Variants in PDE4B observed in about 807,000 individuals in gnomAD.
PDE4B encodes phosphodiesterase 4B.
PDE4B carries 20 observed loss-of-function variants against 82.2 expected under a neutral mutation model. The ratio of observed to expected loss-of-function variants is 0.24; its 90% CI spans 0.17 to 0.35. The LOEUF is 0.35. PDE4B is among the 10% of genes least tolerant of loss of function. The pLI, the probability that PDE4B is intolerant of heterozygous loss-of-function variation, is 1.00. For synonymous variants in PDE4B, 320 were observed against 318.9 expected, an observed-to-expected ratio of 1.00 and a Z score of -0.04; for missense variants, 655 against 907.2, an observed-to-expected ratio of 0.72 and a Z score of 3.57.
chr1:66,261,676 C>T (rs1335322140), intron 6 of PDE4B, among the ~76,000 whole-genome samples: 4 of 152,154 alleles, frequency 2.6e-5, no homozygotes, highest in Non-Finnish European at 5.9e-5. Context: ...TTGTGCTTTA[C>T]CACTCAAAGG....
intron 8 of PDE4B, among the ~76,000 whole-genome samples, chr1:66,343,991 A>G (rs895245918): frequency 5.9e-5 from 9 of 152,148 alleles, no homozygotes; most frequent in African/African-American, 2.2e-4. Context: ...CACTAATGAA[A>G]TGGACTCCAA....
intron 8 of PDE4B, among the ~76,000 whole-genome samples, chr1:66,335,780 C>T (rs1046555940): frequency 9.2e-5 from 14 of 152,324 alleles, no homozygotes; most frequent in African/African-American, 3.4e-4. Flanking sequence ...AAAAGGATGG[C>T]TAGTGAACCT....
intron 3 of PDE4B, among the ~76,000 whole-genome samples, chr1:66,184,398 G>T (rs1647137198): frequency 6.6e-6 from 1 of 152,126 alleles, no homozygotes; most frequent in Non-Finnish European, 1.5e-5. Context: ...TGAGAATATG[G>T]CAATCATAGA....
chr1:65,886,446 C>G (rs1163837589), intron 1 of PDE4B, among the ~76,000 whole-genome samples: 1 of 152,122 alleles, frequency 6.6e-6, no homozygotes, highest in Non-Finnish European at 1.5e-5. Flanking sequence ...ACTATAGTCA[C>G]ACTATTCTGC....
At chr1:66,080,009 A>G (rs1267539991) in intron 3 of PDE4B, among the ~76,000 whole-genome samples, 1 of 152,154 alleles carries the variant, frequency 6.6e-6, no homozygotes, top group Non-Finnish European at 1.5e-5. Context: ...TTTCATCCCA[A>G]CAAAAGCCTG....
At chr1:66,341,701 T>G (rs766959323) in intron 8 of PDE4B, among the ~76,000 whole-genome samples, 4 of 152,236 alleles carry the variant, frequency 2.6e-5, no homozygotes, top group Non-Finnish European at 4.4e-5. Context: ...TTCCTCTCTC[T>G]GAAACTGAAG....
In PDE4B at chr1:66,105,991, T is replaced by A. The variant is rs896100917; in HGVS notation, c.282-141469T>A. Among the ~76,000 whole-genome samples the A allele has an allele frequency of 1.4e-4, 21 of 152,148 alleles. No individual in the cohort carries two copies. In the South Asian group the frequency reaches 4.2e-3, roughly 30 times the overall value. ...CCAACACTATGTTGAATAGGAGTGG[T>A]GAGAGAGGGCATCCCTGTCTTGTGC... On this transcript the variant is annotated intron_variant, in intron 3 of 16. Transcript: ENST00000341517.
intron 2 of PDE4B, among the ~76,000 whole-genome samples, chr1:65,914,762 C>T (rs543702311): frequency 5.9e-5 from 9 of 152,214 alleles, no homozygotes; most frequent in African/African-American, 2.2e-4. Flanking sequence ...AATCCTGATC[C>T]TCCCTGAGGG....
chr1:66,133,905 C>T (rs1263792138), intron 3 of PDE4B, among the ~76,000 whole-genome samples: 1 of 152,178 alleles, frequency 6.6e-6, no homozygotes, highest in Non-Finnish European at 1.5e-5. Context: ...TAAAAGCTTT[C>T]TGACTTTCCC....
At position 65,968,121 on chromosome 1, in the gene PDE4B, C is replaced by T. The variant is rs115412885; in HGVS notation, c.281+49286C>T. On this transcript the variant is annotated intron_variant, in intron 3 of 16. Transcript: ENST00000341517. ...TACATAGAATGACATAATAGAAAGA[C>T]TATGGACCGAGAAACCAATACTCAG... Among the ~76,000 whole-genome samples the T allele has an allele frequency of 7.1e-3, 1,087 of 152,200 alleles. 15 individuals carry two copies. Among genetic ancestry groups the T allele is most frequent in the African/African-American group, 0.025 (1,033 of 41,556 alleles).
chr1:66,283,054 A>G (rs1174199416), intron 7 of PDE4B, among the ~76,000 whole-genome samples: 2 of 152,160 alleles, frequency 1.3e-5, no homozygotes, highest in Non-Finnish European at 2.9e-5. Context: ...TTGAGTGCTT[A>G]TGAGTGCTGG....
chr1:66,130,987 T>G (rs1645929896), intron 3 of PDE4B, among the ~76,000 whole-genome samples: 1 of 152,198 alleles, frequency 6.6e-6, no homozygotes, highest in Admixed American at 6.5e-5. Flanking sequence ...GTGGTGGGAT[T>G]AGGATGCTGT....
intron 3 of PDE4B, among the ~76,000 whole-genome samples, chr1:66,236,740 C>T (rs1326876248): frequency 6.6e-6 from 1 of 152,062 alleles, no homozygotes; most frequent in Non-Finnish European, 1.5e-5. Flanking sequence ...GGGTTCAGGA[C>T]AGAGGAGTTG....
chr1:66,234,005 A>G (rs1403437825), intron 3 of PDE4B, among the ~76,000 whole-genome samples: 2 of 152,086 alleles, frequency 1.3e-5, no homozygotes, highest in Non-Finnish European at 2.9e-5. Flanking sequence ...TATGGGAGAA[A>G]CCCTGACCTT....
chr1:66,075,342 T>C (rs546145128), intron 3 of PDE4B, among the ~76,000 whole-genome samples: 12 of 152,152 alleles, frequency 7.9e-5, no homozygotes, highest in African/African-American at 2.2e-4. Flanking sequence ...TTAAAATGCA[T>C]TGGGTGTATG....
intron 3 of PDE4B, among the ~76,000 whole-genome samples, chr1:65,933,461 G>A (rs1269115091): frequency 1.3e-5 from 2 of 152,156 alleles, no homozygotes; most frequent in African/African-American, 2.4e-5. Context: ...GGGAGGCCAC[G>A]GCGGGCGGAT....
At chr1:66,268,561 G>A (rs1054495160) in intron 7 of PDE4B, among the ~76,000 whole-genome samples, 2 of 150,994 alleles carry the variant, frequency 1.3e-5, no homozygotes, top group Non-Finnish European at 1.5e-5. Flanking sequence ...CCAGCTACTC[G>A]GGAGGCTGAG....
intron 3 of PDE4B, among the ~76,000 whole-genome samples, chr1:65,994,764 A>G (rs1480446350): frequency 6.6e-6 from 1 of 152,144 alleles, no homozygotes; most frequent in Non-Finnish European, 1.5e-5. Context: ...TAATTTTTAG[A>G]TAATGATAAG....
chr1:66,369,055 G>T (rs1468356373), intron 16 of PDE4B, 86 bp downstream of exon 16: 4 of 1,009,834 alleles, frequency 4.0e-6, no homozygotes, highest in African/African-American at 1.6e-5. Flanking sequence ...TTTTCCAATA[G>T]AATATGTATA....
Sources: allele counts gnomAD v4.1 joint callset (sites outside exome capture counted in the v4.1 genomes callset), GRCh38; gene constraint gnomAD v4.1.1; transcripts MANE v1.5; gene names NCBI Gene and HGNC (gene_info 2026-07-23, HGNC 2026-07-21).